The following SLC12A1 variants were observed in gnomAD, a reference collection of about 807,000 sequenced individuals.
SLC12A1 encodes the protein solute carrier family 12 member 1, also known as Na-K-2Cl cotransporter.
In SLC12A1, 89 loss-of-function variants were observed where a neutral mutation model predicts 130.4. The observed-to-expected ratio is 0.68, with a 90% CI of 0.58 to 0.81. The LOEUF is 0.81. Among genes scored for constraint, SLC12A1 ranks in the 40% least tolerant of loss-of-function variants. The pLI, the probability that SLC12A1 is intolerant of heterozygous loss-of-function variation, is 0.00. For synonymous variants in SLC12A1, 499 were observed against 460.0 expected, an observed-to-expected ratio of 1.08 and a Z score of -1.09; for missense variants, 1,310 against 1,336.4, an observed-to-expected ratio of 0.98 and a Z score of 0.31.
intron 20 of SLC12A1, among the ~76,000 whole-genome samples, chr15:48,282,625 G>A (rs779480277): frequency 2.5e-4 from 38 of 152,244 alleles, no homozygotes; most frequent in African/African-American, 6.5e-4. Context: ...CTAGGATGCC[G>A]TCATCCAGGA....
chr15:48,281,655 T>C (rs2042009092), intron 20 of SLC12A1, among the ~76,000 whole-genome samples: 1 of 152,192 alleles, frequency 6.6e-6, no homozygotes, highest in Non-Finnish European at 1.5e-5. Context: ...GTTTCCTTTT[T>C]GGTAAAATGG....
intron 9 of SLC12A1, among the ~76,000 whole-genome samples, chr15:48,235,869 G>T (rs1393622081): frequency 6.6e-6 from 1 of 152,078 alleles, no homozygotes; most frequent in East Asian, 1.9e-4. Context: ...CATGGGAAGG[G>T]GGATAAGCAT....
chr15:48,302,300 G>A (rs960333169), intron 26 of SLC12A1, among the ~76,000 whole-genome samples: 1 of 151,970 alleles, frequency 6.6e-6, no homozygotes, highest in Non-Finnish European at 1.5e-5. Flanking sequence ...AATAATTTTG[G>A]TGCTTTCATC....
At chr15:48,242,369 C>G (rs2041526610) in intron 10 of SLC12A1, among the ~76,000 whole-genome samples, 2 of 152,184 alleles carry the variant, frequency 1.3e-5, no homozygotes. Flanking sequence ...AAGGGTACAT[C>G]CCAGTCCTCT....
intron 20 of SLC12A1, among the ~76,000 whole-genome samples, chr15:48,275,998 G>A (rs1223084058): frequency 6.6e-6 from 1 of 152,206 alleles, no homozygotes; most frequent in Non-Finnish European, 1.5e-5. Flanking sequence ...AAGACAAGGT[G>A]ACAGCTTGAA....
chr15:48,251,583 G>A, intron 14 of SLC12A1, 32 bp from the exon 15 acceptor site: 2 of 1,573,464 alleles, frequency 1.3e-6, no homozygotes, highest in Non-Finnish European at 1.7e-6. Context: ...ATAGTAGAGT[G>A]GAAGTTTTCC....
chr15:48,241,511 A>T lies in SLC12A1; in HGVS notation c.1216-4A>T. 6.2e-7 allele frequency: 1 copy of T among 1,606,496 alleles called. No individual in the cohort carries two copies. Among genetic ancestry groups the T allele is most frequent in the Non-Finnish European group, 8.5e-7 (1 of 1,173,184 alleles). Reference sequence around the variant, plus strand: ...TCTTCTACCTCCACATTATTTTTTTAAAGGATCCCCAAGATGCCATCCCCA... The same window carrying T: ...TCTTCTACCTCCACATTATTTTTTTTAAGGATCCCCAAGATGCCATCCCCA... On this transcript the variant is annotated splice_polypyrimidine_tract_variant and splice_region_variant and intron_variant, in intron 9 of 26. Transcript: ENST00000380993.
intron 4 of SLC12A1, chr15:48,225,199 A>G (rs2041268657): frequency 6.6e-6 from 1 of 152,164 alleles, no homozygotes; most frequent in South Asian, 2.1e-4. Flanking sequence ...ATAATAAGCA[A>G]CTTTCCAGAA....
intron 20 of SLC12A1, among the ~76,000 whole-genome samples, chr15:48,282,490 C>CA (rs907328881): frequency 6.7e-6 from 1 of 150,076 alleles, no homozygotes; most frequent in Non-Finnish European, 1.5e-5. Context: ...GGAGCCTGCC[C>CA]AAAAAAAAAG....
chr15:48,299,252 G>C lies in SLC12A1; in HGVS notation c.3073G>C (p.Glu1025Gln), dbSNP rs888154588. ...RETPWKITDA[E>Q]LEAVKEKSYR... is the part of the protein sequence containing the mutation. ...AACTCCGTGGAAAATTACAGATGCA[G>C]AACTGGAAGCAGTCAAGGAAAAGGT... The change falls in exon 25 of 27, where the codon GAA (glutamate) becomes CAA (glutamine). Residue 1025 changes from glutamate (E) to glutamine (Q), a missense_variant. Physicochemically the swap from Glu to Gln is conservative, Grantham distance 29. Coordinates refer to ENST00000380993, the MANE Select transcript of SLC12A1 (RefSeq NM_000338.3). 1.2e-6 allele frequency: 2 copies of C among 1,603,086 alleles called. No homozygotes were observed. The highest frequency in any genetic ancestry group is 1.3e-5 in the African/African-American group (1 of 74,206).
intron 23 of SLC12A1, among the ~76,000 whole-genome samples, chr15:48,289,078 CTG>C (rs1411910046): frequency 1.4e-5 from 2 of 148,004 alleles, no homozygotes; most frequent in Non-Finnish European, 3.0e-5. Context: ...AAAGGGATGA[CTG>C]TAGAGAACTC....
intron 14 of SLC12A1, among the ~76,000 whole-genome samples, chr15:48,251,117 CT>C (rs2041643426): frequency 1.3e-5 from 2 of 152,096 alleles, no homozygotes; most frequent in African/African-American, 2.4e-5. Flanking sequence ...GCACTGTCCT[CT>C]TAGGGTAATG....
intron 26 of SLC12A1, 128 bp downstream of exon 26, chr15:48,301,510 G>GGGGGGGA: frequency 2.0e-6 from 1 of 497,246 alleles, no homozygotes; most frequent in Admixed American, 3.3e-5. Context: ...TTTGGGGGGG[G>GGGGGGGA]GAACACGTGG....
intron 24 of SLC12A1, among the ~76,000 whole-genome samples, chr15:48,292,314 C>T (rs1197257100): frequency 2.0e-5 from 3 of 151,944 alleles, no homozygotes; most frequent in Non-Finnish European, 4.4e-5. Flanking sequence ...TAAAGGGCCA[C>T]TTTAGCTTTT....
At chr15:48,262,400 C>T (rs753520137) in intron 17 of SLC12A1, among the ~76,000 whole-genome samples, 24 of 151,976 alleles carry the variant, frequency 1.6e-4, no homozygotes, top group Non-Finnish European at 3.4e-4. Flanking sequence ...CCTGCAACTG[C>T]AGCATGGTAA....
At chr15:48,290,288 G>A (rs1459771942) in intron 23 of SLC12A1, among the ~76,000 whole-genome samples, 1 of 152,136 alleles carries the variant, frequency 6.6e-6, no homozygotes. Flanking sequence ...CAGGCATGGA[G>A]CTGTCATCTC....
At chr15:48,294,810 T>TG (rs145966924) in intron 24 of SLC12A1, among the ~76,000 whole-genome samples, 2,452 of 152,326 alleles carry the variant, frequency 0.016, 77 homozygotes, top group African/African-American at 0.056. Context: ...TGTTGTCTAG[T>TG]GGGTAGTCAC....
chr15:48,231,765 C>A (rs914198893), intron 7 of SLC12A1, among the ~76,000 whole-genome samples: 7 of 152,182 alleles, frequency 4.6e-5, no homozygotes, highest in African/African-American at 1.7e-4. Context: ...TACCTGTAAT[C>A]CCAGCACTTT....
At chr15:48,219,945 T>C (rs1190695291) in intron 2 of SLC12A1, among the ~76,000 whole-genome samples, 6 of 151,410 alleles carry the variant, frequency 4.0e-5, no homozygotes, top group Admixed American at 4.0e-4. Flanking sequence ...TCCCAGCTAC[T>C]AAAAATACAA....
Sources: allele counts gnomAD v4.1 joint callset (sites outside exome capture counted in the v4.1 genomes callset), GRCh38; gene constraint gnomAD v4.1.1; transcripts MANE v1.5; gene names NCBI Gene and HGNC (gene_info 2026-07-23, HGNC 2026-07-21).